The following IL13RA1 variants were observed in gnomAD, a reference collection of about 807,000 sequenced individuals.
The protein encoded by IL13RA1 is interleukin 13 receptor subunit alpha 1.
A neutral mutation model predicts 33.8 loss-of-function variants in IL13RA1; 14 were observed. The ratio of observed to expected loss-of-function variants is 0.41; its 90% CI spans 0.27 to 0.65. The LOEUF is 0.65. IL13RA1 is among the 30% of genes least tolerant of loss of function. The pLI, the probability that IL13RA1 is intolerant of heterozygous loss-of-function variation, is 0.28. For missense variants in IL13RA1, 313 were observed against 327.0 expected (o/e 0.96, Z 0.33); for synonymous variants, 116 against 115.7 (o/e 1.00, Z -0.02).
intron 6 of IL13RA1, among the ~76,000 whole-genome samples, chrX:118,766,167 T>G (rs909209224): frequency 4.5e-5 from 5 of 112,097 alleles, no homozygotes; most frequent in Admixed American, 1.9e-4. Context: ...GGAGGTTTTT[T>G]TGGTCTTGTT....
chrX:118,736,183 T>A (rs1220639951), intron 1 of IL13RA1, among the ~76,000 whole-genome samples: 6 of 111,833 alleles, frequency 5.4e-5, no homozygotes, highest in Admixed American at 9.5e-5. Flanking sequence ...TTTTCTTGAC[T>A]CTCTCCACAT....
At chrX:118,748,135 A>G (rs1028072248) in intron 3 of IL13RA1, among the ~76,000 whole-genome samples, 2 of 100,948 alleles carry the variant, frequency 2.0e-5, no homozygotes, top group Admixed American at 2.3e-4. Flanking sequence ...TATATAATAT[A>G]TAATTATATA....
At chrX:118,798,859 T>C (rs1358183853), downstream of IL13RA1, among the ~76,000 whole-genome samples, 1 of 112,763 alleles carries the variant, frequency 8.9e-6, no homozygotes, top group Non-Finnish European at 1.9e-5. Context: ...TTGGCGGCAC[T>C]TGAGGAGCCC....
At chrX:118,743,070 T>C (rs907657054) in intron 2 of IL13RA1, among the ~76,000 whole-genome samples, 1 of 112,077 alleles carries the variant, frequency 8.9e-6, no homozygotes, top group Non-Finnish European at 1.9e-5. Context: ...TTTGACAGCA[T>C]TGATGGCCAT....
rs904140607 is a variant in IL13RA1 at position 118,792,412 on chromosome X, G to A, written c.*558G>A. Reference sequence around the variant, plus strand: ...TGTAATCCCAGCAATTTGGGAGTCCGAGGCGGGCGGATCACTCGAGGTCAG... The same window carrying A: ...TGTAATCCCAGCAATTTGGGAGTCCAAGGCGGGCGGATCACTCGAGGTCAG... On this transcript the variant is annotated 3_prime_UTR_variant, in exon 11 of 11. Coordinates refer to ENST00000371666, the MANE Select transcript of IL13RA1 (RefSeq NM_001560.3). 1 of 112,099 alleles carries A rather than the reference G, an allele frequency of 8.9e-6. No individual in the cohort carries two copies. 9.2% of individuals were successfully genotyped at this position (112,099 alleles called of 1,213,427 possible).
chrX:118,785,887 C>T (rs1371764649), intron 10 of IL13RA1, among the ~76,000 whole-genome samples: 1 of 111,802 alleles, frequency 8.9e-6, no homozygotes, highest in Non-Finnish European at 1.9e-5. Flanking sequence ...ACTTTTAATT[C>T]TTCTGTGAGT....
the IL13RA1 span, among the ~76,000 whole-genome samples, chrX:118,800,626 A>C: frequency 9.1e-6 from 1 of 110,388 alleles, no homozygotes; most frequent in Admixed American, 9.7e-5. Flanking sequence ...TCATTCTTGA[A>C]GTCAGGGAGA....
At chrX:118,770,196 G>A in intron 8 of IL13RA1, 2 of 286,717 alleles carry the variant, frequency 7.0e-6, no homozygotes, top group Non-Finnish European at 1.4e-5. Context: ...TGAGCGGGCT[G>A]CCCAGCACGC....
intron 9 of IL13RA1, among the ~76,000 whole-genome samples, chrX:118,775,224 A>T (rs2147393560): frequency 9.0e-6 from 1 of 111,421 alleles, no homozygotes; most frequent in African/African-American, 3.3e-5. Flanking sequence ...GGCCATGGGA[A>T]CAGCAAATGC....
chrX:118,786,980 T>C (rs908170091), intron 10 of IL13RA1, among the ~76,000 whole-genome samples: 1 of 112,382 alleles, frequency 8.9e-6, no homozygotes, highest in Admixed American at 9.4e-5. Context: ...TGAGTCCGTT[T>C]ATATACTCTT....
chrX:118,800,292 C>T, the IL13RA1 span, among the ~76,000 whole-genome samples: 3 of 110,245 alleles, frequency 2.7e-5, no homozygotes, highest in East Asian at 2.9e-4. Flanking sequence ...CCTTCCACTT[C>T]TTTCACTCTT....
At chrX:118,769,907 CTCT>C (rs747283374) in intron 8 of IL13RA1, 32 of 149,351 alleles carry the variant, frequency 2.1e-4, no homozygotes, top group East Asian at 4.5e-4. Context: ...TAGGCTGCAG[CTCT>C]TCTTCTACGT....
chrX:118,728,782 A>G (rs1244280415), intron 1 of IL13RA1, among the ~76,000 whole-genome samples: 1 of 111,645 alleles, frequency 9.0e-6, no homozygotes, highest in African/African-American at 3.3e-5. Flanking sequence ...CAGTGAGCAA[A>G]ACAGATGAGG....
In IL13RA1 at chrX:118,727,811, C is replaced by T. The variant is rs1203499621; in HGVS notation, c.88+85C>T. 16 of 407,772 alleles carry T rather than the reference C, an allele frequency of 3.9e-5. No homozygotes were observed. The African/African-American group carries it at 4.0e-4, about 10-fold the overall frequency. The allele number at this position is 407,772 out of a possible 1,213,427, so 33.6% of individuals were successfully genotyped here. A position where few individuals can be genotyped will look rare whatever the true frequency, so the allele number is the denominator to read the frequency against. On this transcript the variant is annotated intron_variant, in intron 1 of 10. Coordinates refer to ENST00000371666, the MANE Select transcript of IL13RA1 (RefSeq NM_001560.3). ...GGCTGAAAGGCCCCGGAGGTCAACG[C>T]CGGGCGGAGGGCCGAAGCTGGGGTG...
chrX:118,768,418 T>A (rs186533519), intron 8 of IL13RA1, among the ~76,000 whole-genome samples: 94 of 111,834 alleles, frequency 8.4e-4, no homozygotes, highest in Non-Finnish European at 1.6e-3. Flanking sequence ...AAGGCTTGAC[T>A]GGGGACAGAG....
intron 8 of IL13RA1, among the ~76,000 whole-genome samples, chrX:118,772,226 T>C: frequency 8.9e-6 from 1 of 112,832 alleles, no homozygotes; most frequent in Non-Finnish European, 1.9e-5. Context: ...CATCTATGTC[T>C]CCTGGCTCAG....
intron 4 of IL13RA1, among the ~76,000 whole-genome samples, chrX:118,755,096 G>A (rs1054069183): frequency 2.8e-5 from 3 of 108,151 alleles, no homozygotes; most frequent in African/African-American, 1.0e-4. Context: ...TTACAGGCAC[G>A]TGCCACCACA....
intron 10 of IL13RA1, among the ~76,000 whole-genome samples, chrX:118,777,920 A>G (rs1167467656): frequency 1.8e-5 from 2 of 112,069 alleles, no homozygotes; most frequent in Non-Finnish European, 3.8e-5. Flanking sequence ...CATAGTAGAT[A>G]ATAGCCTGAT....
intron 5 of IL13RA1, among the ~76,000 whole-genome samples, chrX:118,760,914 A>G (rs1353640316): frequency 8.9e-6 from 1 of 112,431 alleles, no homozygotes; most frequent in Non-Finnish European, 1.9e-5. Flanking sequence ...AATACCTAAT[A>G]CAATGTAAAT....
Sources: allele counts gnomAD v4.1 joint callset (sites outside exome capture counted in the v4.1 genomes callset), GRCh38; gene constraint gnomAD v4.1.1; transcripts MANE v1.5; gene names NCBI Gene and HGNC (gene_info 2026-07-23, HGNC 2026-07-21).